COL4A1: variants seen among roughly 807,000 people sequenced by gnomAD.
COL4A1 encodes collagen alpha-1(IV) chain.
Under a neutral mutation model 216.6 loss-of-function variants are expected in COL4A1, and 40 were observed. That is an observed-to-expected ratio of 0.18 (90% CI 0.14 to 0.24). The LOEUF (loss-of-function observed/expected upper bound fraction) is 0.24, where lower values mean the gene tolerates loss of function less well. COL4A1 is among the 10% of genes least tolerant of loss of function. The pLI, the probability that COL4A1 is intolerant of heterozygous loss-of-function variation, is 1.00. For missense variants in COL4A1, 1,628 were observed against 2,196.8 expected (o/e 0.74, Z 5.18); for synonymous variants, 839 against 810.7 (o/e 1.03, Z -0.59).
chr13:110,253,573 T>G (rs1882337014), intron 1 of COL4A1, among the ~76,000 whole-genome samples: 1 of 143,596 alleles, frequency 7.0e-6, no homozygotes, highest in Non-Finnish European at 1.5e-5. Context: ...TACGTATGTA[T>G]GTATTACATA....
rs534191264 is a variant in COL4A1 at position 110,152,321 on chromosome 13, T to G, written c.4928+13A>C. 11 of 1,614,030 alleles carry G rather than the reference T, an allele frequency of 6.8e-6. No individual in the cohort carries two copies. The South Asian group carries it at 9.9e-5, about 15-fold the overall frequency. ...GGGCCAGCAGCCTGCAAAAAAGCAG[T>G]GCTCCCACTTACTTGAACATCTCGC... On this transcript the variant is annotated intron_variant, in intron 51 of 51. Coordinates refer to ENST00000375820, the MANE Select transcript of COL4A1 (RefSeq NM_001845.6).
At chr13:110,213,096 A>G (rs1428479308) in intron 4 of COL4A1, among the ~76,000 whole-genome samples, 1 of 152,144 alleles carries the variant, frequency 6.6e-6, no homozygotes, top group African/African-American at 2.4e-5. Context: ...GAGTGATACA[A>G]TGGACTTCGG....
chr13:110,205,422 G>T lies in COL4A1; in HGVS notation c.904-16C>A. On this transcript the variant is annotated splice_polypyrimidine_tract_variant and intron_variant, in intron 16 of 51. Coordinates refer to ENST00000375820, the MANE Select transcript of COL4A1 (RefSeq NM_001845.6). ...CAGGAAAACCCTGAAACCGAAGAGA[G>T]AAGCAGTAACCGTCAGAGGCCAGTG... is the stretch of plus-strand genomic sequence containing the variant. The T allele has an allele frequency of 6.2e-7, 1 of 1,613,602 alleles. No homozygotes were observed. The highest frequency in any genetic ancestry group is 8.5e-7 in the Non-Finnish European group (1 of 1,180,034).
Position 110,247,220 on chromosome 13 carries a change from C to T in COL4A1, c.85-4486G>A, listed in dbSNP as rs149442529. ...TAATAAGTTGTCTCCAAATGGAAGC[C>T]AAACTGACTTAACTGTGTTTGAAAC... On this transcript the variant is annotated intron_variant, in intron 1 of 51. Transcript: ENST00000375820. Among the ~76,000 whole-genome samples, 1,259 of 152,178 alleles carry T rather than the reference C, an allele frequency of 8.3e-3. 13 individuals are homozygous for T. Among genetic ancestry groups the T allele is most frequent in the African/African-American group, 0.029 (1,214 of 41,500 alleles).
intron 17 of COL4A1, 109 bp downstream of exon 17, chr13:110,205,244 T>C: frequency 2.3e-6 from 3 of 1,316,842 alleles, no homozygotes; most frequent in Non-Finnish European, 3.2e-6. Context: ...GAAGCATAAA[T>C]GATTTTTTTC....
At chr13:110,209,922 A>G in intron 10 of COL4A1, 58 bp downstream of exon 10, 1 of 1,547,934 alleles carries the variant, frequency 6.5e-7, no homozygotes, top group Non-Finnish European at 8.9e-7. Context: ...TTATTTTCAA[A>G]CCTCAATATA....
At chr13:110,154,513 G>C (rs147063534) in intron 50 of COL4A1, among the ~76,000 whole-genome samples, 1 of 152,368 alleles carries the variant, frequency 6.6e-6, no homozygotes, top group Admixed American at 6.5e-5. Context: ...TGTTGTAGTA[G>C]AATGTGTACT....
At chr13:110,278,345 C>A (rs541919890) in intron 1 of COL4A1, among the ~76,000 whole-genome samples, 1 of 152,294 alleles carries the variant, frequency 6.6e-6, no homozygotes, top group Non-Finnish European at 1.5e-5. Context: ...CTTATGTATT[C>A]TGCCTTCCTA....
At chr13:110,284,372 T>C (rs1322057771) in intron 1 of COL4A1, among the ~76,000 whole-genome samples, 1 of 152,148 alleles carries the variant, frequency 6.6e-6, no homozygotes, top group Non-Finnish European at 1.5e-5. Flanking sequence ...TAGGTGTTGA[T>C]TTTGGGGGCT....
At chr13:110,165,086 G>A in intron 45 of COL4A1, 96 bp from the exon 46 acceptor site, 1 of 1,528,916 alleles carries the variant, frequency 6.5e-7, no homozygotes, top group Non-Finnish European at 8.8e-7. Flanking sequence ...CTATCCAAAT[G>A]GAACGTACTT....
intron 20 of COL4A1, among the ~76,000 whole-genome samples, chr13:110,200,423 G>A (rs1202035286): frequency 6.6e-6 from 1 of 152,216 alleles, no homozygotes; most frequent in African/African-American, 2.4e-5. Context: ...TTGTCCTGGA[G>A]TCTGATCTCC....
At chr13:110,288,627 C>T (rs1436542139) in intron 1 of COL4A1, among the ~76,000 whole-genome samples, 1 of 152,064 alleles carries the variant, frequency 6.6e-6, no homozygotes, top group Non-Finnish European at 1.5e-5. Flanking sequence ...ACTGATTAAC[C>T]CTGACAATTT....
chr13:110,186,643 G>A, intron 25 of COL4A1, 90 bp from the exon 26 acceptor site: 1 of 1,499,522 alleles, frequency 6.7e-7, no homozygotes, highest in Non-Finnish European at 9.1e-7. Flanking sequence ...TGGTCAATAA[G>A]TACTAGAGTT....
At chr13:110,197,556 G>A (rs1878961997) in intron 21 of COL4A1, among the ~76,000 whole-genome samples, 1 of 152,130 alleles carries the variant, frequency 6.6e-6, no homozygotes. Context: ...CAAGAGCAGA[G>A]GAGAAAAGTT....
chr13:110,195,983 A>C (rs578144433), intron 21 of COL4A1, among the ~76,000 whole-genome samples: 2 of 152,254 alleles, frequency 1.3e-5, no homozygotes, highest in South Asian at 4.2e-4. Flanking sequence ...CAGGGTGTGG[A>C]GTGGGGCTGT....
Position 110,222,269 on chromosome 13 carries a change from T to A in COL4A1, c.145-8254A>T, listed in dbSNP as rs143034019. Among the ~76,000 whole-genome samples, 12 of 152,186 alleles carry A rather than the reference T, an allele frequency of 7.9e-5. No homozygotes were observed. In the East Asian group the frequency reaches 2.3e-3, roughly 30 times the overall value. On this transcript the variant is annotated intron_variant, in intron 2 of 51. Transcript: ENST00000375820. Reference sequence around the variant, plus strand: ...GCCAAGCACCCCCTTGTTGAAGAAGTACTCAGACACTGAATGATCTGGAGA... The same window carrying A: ...GCCAAGCACCCCCTTGTTGAAGAAGAACTCAGACACTGAATGATCTGGAGA...
At chr13:110,165,658 T>C (rs1877305256) in intron 45 of COL4A1, among the ~76,000 whole-genome samples, 1 of 150,800 alleles carries the variant, frequency 6.6e-6, no homozygotes, top group African/African-American at 2.4e-5. Flanking sequence ...TGGTTTCTCA[T>C]TCTCTCTCCC....
chr13:110,220,556 A>T (rs1466267687), intron 2 of COL4A1, among the ~76,000 whole-genome samples: 1 of 152,182 alleles, frequency 6.6e-6, no homozygotes, highest in Non-Finnish European at 1.5e-5. Flanking sequence ...ATCTTTCAAA[A>T]TCCATGACTT....
chr13:110,263,825 G>GT (rs1566427996), intron 1 of COL4A1, among the ~76,000 whole-genome samples: 1 of 152,150 alleles, frequency 6.6e-6, no homozygotes, highest in Non-Finnish European at 1.5e-5. Flanking sequence ...TTAAAGAAAT[G>GT]TAAGTTTAGG....
Sources: allele counts gnomAD v4.1 joint callset (sites outside exome capture counted in the v4.1 genomes callset), GRCh38; gene constraint gnomAD v4.1.1; transcripts MANE v1.5; gene names NCBI Gene and HGNC (gene_info 2026-07-23, HGNC 2026-07-21).